Variants in TULP4 observed in about 807,000 individuals in gnomAD.
TULP4 encodes TUB like protein 4.
A neutral mutation model predicts 129.0 loss-of-function variants in TULP4; 16 were observed. The observed-to-expected ratio is 0.12, with a 90% CI of 0.08 to 0.19. The LOEUF (loss-of-function observed/expected upper bound fraction) is 0.19, where lower values mean the gene tolerates loss of function less well. TULP4 is among the 10% of genes least tolerant of loss of function. The pLI, the probability that TULP4 is intolerant of heterozygous loss-of-function variation, is 1.00. For synonymous variants in TULP4, 998 were observed against 854.0 expected (o/e 1.17, Z -2.94); for missense variants, 1,842 against 2,059.1 (o/e 0.89, Z 2.04).
intron 1 of TULP4, among the ~76,000 whole-genome samples, chr6:158,241,307 C>T (rs1286187823): frequency 2.4e-5 from 3 of 124,578 alleles, no homozygotes; most frequent in Admixed American, 1.8e-4. Flanking sequence ...AGATGATGGG[C>T]GGCCAGGCAG....
intron 1 of TULP4, among the ~76,000 whole-genome samples, chr6:158,253,267 C>T (rs1778177792): frequency 6.6e-6 from 1 of 152,168 alleles, no homozygotes; most frequent in Non-Finnish European, 1.5e-5. Flanking sequence ...TATACATCAC[C>T]CTCCAGGATC....
intron 1 of TULP4, among the ~76,000 whole-genome samples, chr6:158,393,000 AATC>A (rs1158730896): frequency 1.6e-5 from 2 of 127,378 alleles, no homozygotes. Flanking sequence ...AAAAAAAAAA[AATC>A]AACAACAAGT....
chr6:158,286,463 G>C (rs905269144), intron 1 of TULP4, among the ~76,000 whole-genome samples: 1 of 152,194 alleles, frequency 6.6e-6, no homozygotes, highest in African/African-American at 2.4e-5. Flanking sequence ...AACCACGAGA[G>C]TAAACTTTTT....
chr6:158,268,956 T>A (rs1358824721), intron 1 of TULP4, among the ~76,000 whole-genome samples: 1 of 152,220 alleles, frequency 6.6e-6, no homozygotes, highest in East Asian at 1.9e-4. Flanking sequence ...TATTGCCAAA[T>A]TGCTTTTTGG....
At chr6:158,410,019 C>T (rs1046873312) in intron 1 of TULP4, among the ~76,000 whole-genome samples, 2 of 152,102 alleles carry the variant, frequency 1.3e-5, no homozygotes, top group African/African-American at 4.8e-5. Flanking sequence ...CCACGCCCAG[C>T]TAGTTTTTGT....
chr6:158,466,571 TA>T (rs148821165), intron 6 of TULP4, among the ~76,000 whole-genome samples: 35 of 152,340 alleles, frequency 2.3e-4, no homozygotes, highest in African/African-American at 8.4e-4. Context: ...GAAGTAGGAT[TA>T]AACTGTGTCT....
chr6:158,441,660 G>T (rs966762361), intron 3 of TULP4, among the ~76,000 whole-genome samples: 1 of 152,182 alleles, frequency 6.6e-6, no homozygotes, highest in Non-Finnish European at 1.5e-5. Flanking sequence ...ACAAAGGCTC[G>T]CTCCTTCTGG....
chr6:158,472,035 C>T (rs1345210552), intron 6 of TULP4, among the ~76,000 whole-genome samples: 1 of 152,216 alleles, frequency 6.6e-6, no homozygotes, highest in East Asian at 1.9e-4. Flanking sequence ...CAGGGAATGT[C>T]CTTCCCGCCG....
At chr6:158,419,119 T>C (rs1195493835) in intron 2 of TULP4, among the ~76,000 whole-genome samples, 1 of 152,218 alleles carries the variant, frequency 6.6e-6, no homozygotes. Flanking sequence ...GCCAAGGTTC[T>C]GAGTTTATCT....
chr6:158,393,294 G>A lies in TULP4; in HGVS notation c.253-19771G>A, dbSNP rs150948056. On this transcript the variant is annotated intron_variant, in intron 1 of 13. Coordinates refer to ENST00000367097, the MANE Select transcript of TULP4 (RefSeq NM_020245.5). Reference sequence around the variant, plus strand: ...ATGGCTGCTTTCATGGACTGGTGTTGAGTGTCTGTGGCTTTTTCAGGTACA... The same window carrying A: ...ATGGCTGCTTTCATGGACTGGTGTTAAGTGTCTGTGGCTTTTTCAGGTACA... 2.1e-4 allele frequency among the ~76,000 whole-genome samples: 32 copies of A among 152,304 alleles called. No individual in the cohort carries two copies. In the East Asian group the frequency reaches 6.2e-3, roughly 29 times the overall value.
chr6:158,237,494 T>A, intron 1 of TULP4: 1 of 1,541,608 alleles, frequency 6.5e-7, no homozygotes, highest in Non-Finnish European at 9.0e-7. Context: ...GGTGGGCTAC[T>A]CACAGTTTTT....
chr6:158,444,043 C>A (rs891891300), intron 3 of TULP4, among the ~76,000 whole-genome samples: 8 of 151,224 alleles, frequency 5.3e-5, no homozygotes, highest in East Asian at 3.9e-4. Flanking sequence ...CACGGTGAAA[C>A]CCCGTCTCTA....
At position 158,314,223 on chromosome 6, in the gene TULP4, T is replaced by A; in HGVS notation, c.207T>A (p.Ser69Arg). ...FTSSHCRRDR[S>R]TPQRINFNLR... ...CTAGTCACTGTCGCAGGGACAGGAG[T>A]ACTCCACAGAGGATAAATTTCAACC... Residue 69 changes from serine to arginine, a missense_variant, in exon 1 of 14, where the codon AGT becomes AGA. Coordinates refer to ENST00000367097, the MANE Select transcript of TULP4 (RefSeq NM_020245.5). 2.5e-6 allele frequency: 4 copies of A among 1,614,054 alleles called. No homozygotes were observed. Among genetic ancestry groups the A allele is most frequent in the Non-Finnish European group, 3.4e-6 (4 of 1,180,010 alleles).
chr6:158,402,403 A>T (rs1421160607), intron 1 of TULP4, among the ~76,000 whole-genome samples: 1 of 152,186 alleles, frequency 6.6e-6, no homozygotes, highest in East Asian at 1.9e-4. Context: ...GGAGTCACAG[A>T]TTGGTTTTTC....
Position 158,423,127 on chromosome 6 carries a change from G to C in TULP4, c.382-6609G>C, listed in dbSNP as rs1035211389. On this transcript the variant is annotated intron_variant, in intron 2 of 13. Transcript: ENST00000367097. ...CCCCTTCCTCCACAAAAAAGAGGGG[G>C]GGGGGGGGAAAGAAACCTTCCCAGG... 1.8e-4 allele frequency among the ~76,000 whole-genome samples: 27 copies of C among 151,382 alleles called. 1 individual carries two copies. Among genetic ancestry groups the C allele is most frequent in the Non-Finnish European group, 2.4e-4 (16 of 67,730 alleles).
Position 158,479,672 on chromosome 6 carries a change from G to C in TULP4, c.1027-79G>C, listed in dbSNP as rs1365492946. On this transcript the variant is annotated intron_variant, in intron 6 of 13. Coordinates refer to ENST00000367097, the MANE Select transcript of TULP4 (RefSeq NM_020245.5). ...CAAAACAGCTTATTTTATTTTGCTC[G>C]AGACAAGTGTGCATTATCCCTTTTT... is the stretch of plus-strand genomic sequence containing the variant. 6 of 1,356,460 alleles carry C rather than the reference G, an allele frequency of 4.4e-6. No homozygotes were observed. In the East Asian group the frequency reaches 7.1e-5, roughly 16 times the overall value. 84.0% of individuals were successfully genotyped at this position (1,356,460 alleles called of 1,614,324 possible).
At chr6:158,490,625 T>A (rs917532355) in intron 9 of TULP4, among the ~76,000 whole-genome samples, 2 of 152,164 alleles carry the variant, frequency 1.3e-5, no homozygotes, top group Non-Finnish European at 2.9e-5. Flanking sequence ...TTCCCCCAAG[T>A]TCAAGATAAA....
intron 1 of TULP4, among the ~76,000 whole-genome samples, chr6:158,373,182 A>G (rs887016559): frequency 2.6e-5 from 4 of 152,226 alleles, no homozygotes; most frequent in Non-Finnish European, 5.9e-5. Context: ...AGGAGTTTCA[A>G]CAACAACAAT....
intron 1 of TULP4, among the ~76,000 whole-genome samples, chr6:158,368,241 A>G (rs1355553527): frequency 1.3e-5 from 2 of 152,096 alleles, no homozygotes; most frequent in African/African-American, 4.8e-5. Flanking sequence ...ATTTTTGCAT[A>G]AAAAATTATC....
Sources: allele counts gnomAD v4.1 joint callset (sites outside exome capture counted in the v4.1 genomes callset), GRCh38; gene constraint gnomAD v4.1.1; transcripts MANE v1.5; gene names NCBI Gene and HGNC (gene_info 2026-07-23, HGNC 2026-07-21).